Variants in RHBDD1 observed in about 807,000 individuals in gnomAD.
RHBDD1 encodes the protein rhomboid-related protein 4.
Under a neutral mutation model 36.3 loss-of-function variants are expected in RHBDD1, and 38 were observed. The observed-to-expected ratio is 1.05, with a 90% confidence interval of 0.81 to 1.37. The LOEUF (loss-of-function observed/expected upper bound fraction) is 1.37, where lower values mean the gene tolerates loss of function less well. RHBDD1 is among the 40% of genes most tolerant of loss of function. The pLI is 0.00. For synonymous variants in RHBDD1, 151 were observed against 136.5 expected (o/e 1.11, Z -0.74); for missense variants, 393 against 377.6 (o/e 1.04, Z -0.34).
the RHBDD1 span, among the ~76,000 whole-genome samples, chr2:226,818,376 C>A: frequency 6.6e-6 from 1 of 150,482 alleles, no homozygotes; most frequent in Non-Finnish European, 1.5e-5. Context: ...CTGTGTTAGC[C>A]AGGATGGTCT....
chr2:226,920,565 A>G (rs1949238213), intron 8 of RHBDD1, among the ~76,000 whole-genome samples: 2 of 151,990 alleles, frequency 1.3e-5, no homozygotes, highest in African/African-American at 2.4e-5. Context: ...TATTCCTTCT[A>G]TGCTCATTTT....
chr2:226,813,342 GTGGGAGCCAT>G, the RHBDD1 span, among the ~76,000 whole-genome samples: 3 of 152,202 alleles, frequency 2.0e-5, no homozygotes, highest in African/African-American at 7.2e-5. Flanking sequence ...CTCTCCAGCA[GTGGGAGCCAT>G]TGAATCAGGA....
chr2:226,990,517 C>T (rs1013283292), intron 8 of RHBDD1, among the ~76,000 whole-genome samples: 1 of 152,166 alleles, frequency 6.6e-6, no homozygotes, highest in Non-Finnish European at 1.5e-5. Flanking sequence ...TGGGCAGGAT[C>T]TATGAATAGC....
chr2:226,912,345 C>G (rs1948578807), intron 7 of RHBDD1, among the ~76,000 whole-genome samples: 1 of 152,148 alleles, frequency 6.6e-6, no homozygotes, highest in East Asian at 1.9e-4. Flanking sequence ...AGCAGTTCCA[C>G]TTTTAGGTAT....
At chr2:226,967,635 C>T (rs907056655) in intron 8 of RHBDD1, among the ~76,000 whole-genome samples, 1 of 148,460 alleles carries the variant, frequency 6.7e-6, no homozygotes, top group South Asian at 2.2e-4. Context: ...TTCTACAACT[C>T]GTTGTAGAAG....
chr2:226,963,880 C>A (rs1055398597), intron 8 of RHBDD1, among the ~76,000 whole-genome samples: 1 of 152,146 alleles, frequency 6.6e-6, no homozygotes, highest in African/African-American at 2.4e-5. Context: ...TACAAACGAA[C>A]CTATTCTGTA....
At chr2:226,861,433 G>A (rs1943841882) in intron 3 of RHBDD1, among the ~76,000 whole-genome samples, 1 of 152,156 alleles carries the variant, frequency 6.6e-6, no homozygotes, top group Middle Eastern at 3.2e-3. Context: ...TGCAATCAGA[G>A]CCTGGGACAC....
intron 8 of RHBDD1, among the ~76,000 whole-genome samples, chr2:226,929,636 TG>T (rs1388199678): frequency 6.6e-6 from 1 of 152,104 alleles, no homozygotes; most frequent in Non-Finnish European, 1.5e-5. Flanking sequence ...AACACATTAC[TG>T]GAAGTCCTAG....
the RHBDD1 span, among the ~76,000 whole-genome samples, chr2:226,823,216 G>T: frequency 1.3e-5 from 2 of 152,194 alleles, no homozygotes; most frequent in East Asian, 3.8e-4. Context: ...CTGTAATGCA[G>T]AGAGCCCTTG....
chr2:226,958,299 C>T (rs1234018803), intron 8 of RHBDD1, among the ~76,000 whole-genome samples: 7 of 152,080 alleles, frequency 4.6e-5, no homozygotes, highest in East Asian at 1.9e-4. Flanking sequence ...TTATATGATT[C>T]GATCATATGA....
intron 8 of RHBDD1, among the ~76,000 whole-genome samples, chr2:226,921,761 C>G (rs1365659103): frequency 6.6e-6 from 1 of 152,044 alleles, no homozygotes; most frequent in Non-Finnish European, 1.5e-5. Flanking sequence ...AACATATAGT[C>G]TATCCTTGAG....
At chr2:226,969,604 C>T (rs746531488) in intron 8 of RHBDD1, among the ~76,000 whole-genome samples, 4 of 152,048 alleles carry the variant, frequency 2.6e-5, no homozygotes, top group Non-Finnish European at 4.4e-5. Context: ...CACCAGAAAA[C>T]GTGAGTCCCG....
At chr2:226,862,012 G>A (rs966166806) in intron 3 of RHBDD1, among the ~76,000 whole-genome samples, 1 of 152,134 alleles carries the variant, frequency 6.6e-6, no homozygotes, top group Non-Finnish European at 1.5e-5. Context: ...GGCTAATTTT[G>A]TGTGTGTATG....
chr2:226,911,422 A>T (rs1166655759), intron 7 of RHBDD1, among the ~76,000 whole-genome samples: 1 of 152,130 alleles, frequency 6.6e-6, no homozygotes, highest in East Asian at 1.9e-4. Context: ...ATCCCATGCT[A>T]TTCAGTGACG....
the RHBDD1 span, among the ~76,000 whole-genome samples, chr2:226,807,913 G>C: frequency 8.3e-3 from 1,266 of 152,214 alleles, 20 homozygotes; most frequent in African/African-American, 0.028. Flanking sequence ...ACTCCAGGGG[G>C]CTGAGTAAGT....
chr2:226,935,810 A>G (rs1950294609), intron 8 of RHBDD1, among the ~76,000 whole-genome samples: 1 of 152,110 alleles, frequency 6.6e-6, no homozygotes, highest in Admixed American at 6.6e-5. Context: ...TGAAAGATAA[A>G]TTCAAACAGC....
chr2:226,895,036 A>G (rs1946985583), intron 5 of RHBDD1, among the ~76,000 whole-genome samples: 1 of 152,316 alleles, frequency 6.6e-6, no homozygotes, highest in Non-Finnish European at 1.5e-5. Context: ...GAGCCCTGGC[A>G]GAAGGGAGAG....
chr2:226,905,862 CTAGTT>C (rs1948011297), intron 5 of RHBDD1, among the ~76,000 whole-genome samples: 1 of 152,018 alleles, frequency 6.6e-6, no homozygotes, highest in Non-Finnish European at 1.5e-5. Context: ...CCAGAAAAGT[CTAGTT>C]TAAGGTGCTA....
intron 7 of RHBDD1, among the ~76,000 whole-genome samples, chr2:226,909,250 G>C (rs1948331813): frequency 6.6e-6 from 1 of 152,088 alleles, no homozygotes; most frequent in Admixed American, 6.5e-5. Context: ...CCCATCCTGT[G>C]TATATTCAGG....
Sources: allele counts gnomAD v4.1 joint callset (sites outside exome capture counted in the v4.1 genomes callset), GRCh38; gene constraint gnomAD v4.1.1; transcripts MANE v1.5; gene names NCBI Gene and HGNC (gene_info 2026-07-23, HGNC 2026-07-21).